ELP1: variants seen among roughly 807,000 people sequenced by gnomAD.
The protein encoded by ELP1 is elongator acetyltransferase complex subunit 1, also known as elongator complex protein 1.
In ELP1, 131 loss-of-function variants were observed where a neutral mutation model predicts 183.2. That is an observed-to-expected ratio of 0.72 (90% confidence interval 0.62 to 0.83). ELP1 has a LOEUF of 0.83. Among genes scored for constraint, ELP1 ranks in the 40% least tolerant of loss-of-function variants. The pLI, the probability that ELP1 is intolerant of heterozygous loss-of-function variation, is 0.00. For synonymous variants in ELP1, 555 were observed against 569.0 expected (o/e 0.98, Z 0.35); for missense variants, 1,550 against 1,594.9 (o/e 0.97, Z 0.48).
Position 108,912,309 on chromosome 9 carries a change from C to T in ELP1, c.1144G>A (p.Gly382Arg), listed in dbSNP as rs776167946. 1.0e-4 allele frequency: 163 copies of T among 1,614,062 alleles called. No homozygotes were observed. The highest frequency in any genetic ancestry group is 1.3e-4 in the Non-Finnish European group (157 of 1,180,044). The change falls in exon 11 of 37, where the codon GGA (glycine) becomes AGA (arginine). Residue 382 changes from glycine to arginine, a missense_variant. By Grantham distance (125) the Gly-to-Arg change is moderately radical. Coordinates refer to ENST00000374647, the MANE Select transcript of ELP1 (RefSeq NM_003640.5). ...DWHWTTDRSV[G>R]DNSSDLSNVA... ...TTGGACAAGTCACTTGAATTATCTC[C>T]CACGCTCCGGTCAGTCGTCCAGTGC...
rs1458354554 is a variant in ELP1, at chr9:108,931,201, T to G, written c.-55A>C. On this transcript the variant is annotated splice_region_variant and 5_prime_UTR_variant, in exon 2 of 37. Coordinates refer to ENST00000374647, the MANE Select transcript of ELP1 (RefSeq NM_003640.5). Reference sequence around the variant, plus strand: ...ACTATCCCTTGATGAATCATTAATCTCTAAGAGAAAAATAAATAGCTTAAT... The same window carrying G: ...ACTATCCCTTGATGAATCATTAATCGCTAAGAGAAAAATAAATAGCTTAAT... 9.2e-6 allele frequency: 14 copies of G among 1,522,042 alleles called. No individual in the cohort carries two copies. The highest frequency in any genetic ancestry group is 1.3e-5 in the Non-Finnish European group (14 of 1,096,550). The allele number at this position is 1,522,042 out of a possible 1,614,324, so 94.3% of individuals were successfully genotyped here.
In ELP1 at chr9:108,872,803, T is replaced by TGAAA. The variant is rs1827520599; in HGVS notation, c.3931+2088_3931+2091dup. Among the ~76,000 whole-genome samples the TGAAA allele has an allele frequency of 6.4e-5, 4 of 62,814 alleles. No homozygotes were observed. In the East Asian group the frequency reaches 1.9e-3, roughly 29 times the overall value. The allele number at this position is 62,814 out of a possible 152,430, so 41.2% of individuals were successfully genotyped here. A position where few individuals can be genotyped will look rare whatever the true frequency, so the allele number is the denominator to read the frequency against. On this transcript the variant is annotated intron_variant, in intron 36 of 36. Transcript: ENST00000374647. ...CTGGGCCACAGAGCAAGACTCTGTC[T>TGAAA]GAAAAAAAAAAAAAAAAAAAAAAAA...
At chr9:108,914,423 G>C (rs956416576) in intron 10 of ELP1, among the ~76,000 whole-genome samples, 1 of 118,782 alleles carries the variant, frequency 8.4e-6, no homozygotes, top group Non-Finnish European at 1.9e-5. Flanking sequence ...AGGGGGGGGG[G>C]GTTCTACTGA....
chr9:108,907,034 T>G (rs1053203080), intron 13 of ELP1, among the ~76,000 whole-genome samples: 4 of 152,142 alleles, frequency 2.6e-5, no homozygotes, highest in Non-Finnish European at 5.9e-5. Context: ...AGGTGGCAAA[T>G]CCGCAGCTCC....
At chr9:108,932,076 T>A (rs576630375) in intron 1 of ELP1, among the ~76,000 whole-genome samples, 1 of 152,314 alleles carries the variant, frequency 6.6e-6, no homozygotes, top group East Asian at 1.9e-4. Context: ...ACCACACCGG[T>A]CTTATTGTCA....
intron 35 of ELP1, 81 bp downstream of exon 35, chr9:108,877,914 C>G: frequency 6.8e-7 from 1 of 1,467,410 alleles, no homozygotes; most frequent in South Asian, 1.1e-5. Flanking sequence ...AACAGGAAAA[C>G]TTTTTGACTT....
intron 3 of ELP1, 80 bp downstream of exon 3, chr9:108,929,689 G>A (rs1829933548): frequency 7.0e-7 from 1 of 1,436,906 alleles, no homozygotes; most frequent in African/African-American, 1.4e-5. Context: ...TATGGCTACT[G>A]ATTTGAAAAC....
intron 14 of ELP1, among the ~76,000 whole-genome samples, chr9:108,905,859 A>C (rs1828995992): frequency 1.7e-5 from 2 of 117,306 alleles, no homozygotes; most frequent in African/African-American, 7.2e-5. Flanking sequence ...AACATAGAAA[A>C]GGTATGTATA....
chr9:108,913,266 G>T (rs1422677234), intron 10 of ELP1, among the ~76,000 whole-genome samples: 3 of 152,076 alleles, frequency 2.0e-5, no homozygotes, highest in Non-Finnish European at 2.9e-5. Context: ...TTTCTTTCAG[G>T]TGCTTTGCAA....
At chr9:108,910,011 G>A (rs564674120) in intron 12 of ELP1, among the ~76,000 whole-genome samples, 68 of 152,096 alleles carry the variant, frequency 4.5e-4, no homozygotes, top group African/African-American at 1.6e-3. Flanking sequence ...TTAAATAGAT[G>A]AATGATATAA....
intron 6 of ELP1, among the ~76,000 whole-genome samples, chr9:108,920,110 T>C (rs1829589696): frequency 6.6e-6 from 1 of 152,164 alleles, no homozygotes; most frequent in Non-Finnish European, 1.5e-5. Flanking sequence ...ATAGGCATTA[T>C]ATGAAATAGA....
Position 108,908,360 on chromosome 9 carries a change from C to A in ELP1, c.1405G>T (p.Gly469Cys). Reference protein sequence around the residue: ...ADPTVKLGAVGGSGFKVCLRT... With the variant: ...ADPTVKLGAVCGSGFKVCLRT... ...AGGCAAACTTTAAATCCACTTCCACCCACAGCTCCCAGTTTCACTGTAGGG... is the reference window on the plus strand; with the variant it reads ...AGGCAAACTTTAAATCCACTTCCACACACAGCTCCCAGTTTCACTGTAGGG... The change falls in exon 13 of 37, where the codon GGT becomes TGT. Residue 469 changes from glycine (G) to cysteine (C), a missense_variant. Coordinates refer to ENST00000374647, the MANE Select transcript of ELP1 (RefSeq NM_003640.5). The A allele has an allele frequency of 6.2e-7, 1 of 1,614,146 alleles. No individual in the cohort carries two copies. Among genetic ancestry groups the A allele is most frequent in the South Asian group, 1.1e-5 (1 of 91,084 alleles).
chr9:108,902,577 A>G (rs938410851), intron 16 of ELP1, among the ~76,000 whole-genome samples: 3 of 152,226 alleles, frequency 2.0e-5, no homozygotes, highest in Non-Finnish European at 4.4e-5. Flanking sequence ...TTAACTTTGA[A>G]TGATTTGTAC....
In ELP1 at chr9:108,891,399, G is replaced by T. The variant is rs1353171751; in HGVS notation, c.2964C>A (p.Ile988=). ...TCAGGTGCTCCCCATAAGCAATGCT[G>T]ATATCCTGTGACAAGAGGAGATTTA... The part of the protein sequence containing the change: ...YSPSSQQYQD[I]SIAYGEHLMQ... Residue 988 remains isoleucine (I), a synonymous_variant, in exon 28 of 37, where the codon ATC becomes ATA. Transcript: ENST00000374647. 6.2e-7 allele frequency: 1 copy of T among 1,613,148 alleles called. No individual in the cohort carries two copies. The highest frequency in any genetic ancestry group is 8.5e-7 in the Non-Finnish European group (1 of 1,179,882).
chr9:108,932,932 T>G (rs1830047340), intron 1 of ELP1, among the ~76,000 whole-genome samples: 1 of 152,192 alleles, frequency 6.6e-6, no homozygotes, highest in Non-Finnish European at 1.5e-5. Flanking sequence ...TCTCTCTTAA[T>G]TTCCTGATAA....
intron 14 of ELP1, among the ~76,000 whole-genome samples, chr9:108,904,050 A>G (rs887146518): frequency 2.0e-4 from 31 of 152,158 alleles, no homozygotes; most frequent in Admixed American, 6.5e-5. Flanking sequence ...TTAGACATGG[A>G]TGGTACCAAT....
chr9:108,904,760 G>C (rs1828957422), intron 14 of ELP1, among the ~76,000 whole-genome samples: 1 of 152,172 alleles, frequency 6.6e-6, no homozygotes. Flanking sequence ...AAATAAGTAA[G>C]CTAAAACAGA....
rs946494360 is a variant in ELP1 at position 108,911,343 on chromosome 9, A to C, written c.1190-163T>G. Among the ~76,000 whole-genome samples, 7 of 152,164 alleles carry C rather than the reference A, an allele frequency of 4.6e-5. No individual in the cohort carries two copies. The East Asian group carries it at 1.3e-3, about 29-fold the overall frequency. ...GTCTAAAAACAGTGTGGGATGGGGA[A>C]ATGTCATGGGTTCTGTCCATAATTG... On this transcript the variant is annotated intron_variant, in intron 11 of 36. Coordinates refer to ENST00000374647, the MANE Select transcript of ELP1 (RefSeq NM_003640.5).
chr9:108,888,798 A>G (rs1030614088), intron 29 of ELP1, among the ~76,000 whole-genome samples: 1 of 152,234 alleles, frequency 6.6e-6, no homozygotes, highest in Admixed American at 6.5e-5. Flanking sequence ...CCTGGTGTCA[A>G]CTGTGCACCT....
Sources: gnomAD v4.1 joint callset for allele counts (sites outside exome capture counted in the v4.1 genomes callset) on GRCh38, gnomAD v4.1.1 for gene constraint, MANE v1.5 for transcripts, NCBI Gene and HGNC (gene_info 2026-07-23, HGNC 2026-07-21) for gene names.